ARHGEF4: variants seen among roughly 807,000 people sequenced by gnomAD.
ARHGEF4 encodes the protein Rho guanine nucleotide exchange factor 4.
In ARHGEF4, 119 loss-of-function variants were observed where a neutral mutation model predicts 162.0. The ratio of observed to expected loss-of-function variants is 0.73; its 90% confidence interval spans 0.63 to 0.86. The LOEUF (loss-of-function observed/expected upper bound fraction) is 0.86, where lower values mean the gene tolerates loss of function less well. ARHGEF4 is among the 40% of genes least tolerant of loss of function. The probability of loss-of-function intolerance (pLI) is 0.00; values close to 1 mark genes in which losing one functional copy is unlikely to be tolerated. For synonymous variants in ARHGEF4, 1,014 were observed against 979.9 expected, an observed-to-expected ratio of 1.03 and a Z score of -0.65; for missense variants, 2,488 against 2,456.0, an observed-to-expected ratio of 1.01 and a Z score of -0.28.
In ARHGEF4 at chr2:130,915,976, C is replaced by T. The variant is rs762119308; in HGVS notation, c.2030C>T (p.Ser677Phe). The T allele has an allele frequency of 1.1e-5, 17 of 1,550,568 alleles. No individual in the cohort carries two copies. Among genetic ancestry groups the T allele is most frequent in the Middle Eastern group, 3.3e-4 (2 of 5,992 alleles). The change falls in exon 2 of 14, where the codon TCT becomes TTT. Residue 677 changes from serine (S) to phenylalanine (F), a missense_variant. Coordinates refer to ENST00000409359, the MANE Select transcript of ARHGEF4 (RefSeq NM_001367493.1). ...PLSTGETPCE[S>F]PTRGKTPAGN... ...AGCACTGGCGAGACCCCCTGTGAGT[C>T]TCCCACTAGGGGGAAAACACCAGCC...
chr2:130,838,648 AGGAAGGAAGGAGGGAG>A (rs983221704), intron 1 of ARHGEF4, among the ~76,000 whole-genome samples: 1 of 151,056 alleles, frequency 6.6e-6, no homozygotes, highest in African/African-American at 2.4e-5. Context: ...AAGGAAAGGA[AGGAAGGAAGGAGGGAG>A]GGAAGGAAGG....
At chr2:130,898,743 C>G (rs1680309654) in intron 1 of ARHGEF4, among the ~76,000 whole-genome samples, 1 of 152,084 alleles carries the variant, frequency 6.6e-6, no homozygotes, top group Non-Finnish European at 1.5e-5. Flanking sequence ...GCAGACTAAG[C>G]CCACACATTT....
chr2:131,023,038 C>CA, intron 4 of ARHGEF4, among the ~76,000 whole-genome samples: 1 of 108,468 alleles, frequency 9.2e-6, no homozygotes, highest in South Asian at 3.2e-4. Flanking sequence ...CCCAGGAGTT[C>CA]AAGACCAGCC....
In ARHGEF4 at chr2:131,038,853, C is replaced by G. The variant is rs746590401; in HGVS notation, c.4126C>G (p.Leu1376Val). 16 of 1,604,270 alleles carry G rather than the reference C, an allele frequency of 1.0e-5. No individual in the cohort carries two copies. The highest frequency in any genetic ancestry group is 1.2e-5 in the Non-Finnish European group (14 of 1,174,578). ...CGCCTGCCCGTGGCTCTCTCGGCAG[C>G]TCATCAGCGATGGCAGTGTGGTCTG... ...GGGEQLAINE[L>V]ISDGSVVCAE... Residue 1376 changes from leucine to valine, a missense_variant and splice_region_variant, in exon 6 of 14, where the codon CTC becomes GTC. By Grantham distance (32) the Leu-to-Val change is conservative (BLOSUM62 1). Around this residue, in one of 6 missense-constraint regions of ARHGEF4, gnomAD observed 1,642 missense variants for 1,481.5 expected, o/e 1.11. Coordinates refer to ENST00000409359, the MANE Select transcript of ARHGEF4 (RefSeq NM_001367493.1).
Position 130,952,128 on chromosome 2 carries a change from A to C in ARHGEF4, c.3985+5493A>C, listed in dbSNP as rs187304382. ...CTTTTCTAGTACTCTTTTTGTATTC[A>C]TGTGGATTTACATTATCATCTGGGG... On this transcript the variant is annotated intron_variant, in intron 4 of 13. Transcript: ENST00000409359. Among the ~76,000 whole-genome samples the C allele has an allele frequency of 2.0e-5, 3 of 152,248 alleles. No individual in the cohort carries two copies. The East Asian group carries it at 5.8e-4, about 29-fold the overall frequency.
rs142134723 is a variant in ARHGEF4 at position 131,037,212 on chromosome 2, C to T, written c.4126-1641C>T. ...TCATGTGTCACTCTGAGGAGAGCGTCCATCAGGACTGGAGCAGGTTTTACC... is the reference window on the plus strand; with the variant it reads ...TCATGTGTCACTCTGAGGAGAGCGTTCATCAGGACTGGAGCAGGTTTTACC... On this transcript the variant is annotated intron_variant, in intron 5 of 13. Coordinates refer to ENST00000409359, the MANE Select transcript of ARHGEF4 (RefSeq NM_001367493.1). Among the ~76,000 whole-genome samples the T allele has an allele frequency of 1.3e-5, 2 of 152,280 alleles. 1 individual carries two copies. Among genetic ancestry groups the T allele is most frequent in the East Asian group, 3.9e-4 (2 of 5,170 alleles).
chr2:130,921,266 C>A (rs1056732961), intron 2 of ARHGEF4, among the ~76,000 whole-genome samples: 3 of 152,180 alleles, frequency 2.0e-5, no homozygotes, highest in Admixed American at 6.5e-5. Flanking sequence ...CTTTGGGAGG[C>A]AGGGGCGGGC....
chr2:131,039,794 A>T, intron 6 of ARHGEF4: 2 of 1,399,884 alleles, frequency 1.4e-6, no homozygotes, highest in Non-Finnish European at 1.8e-6. Flanking sequence ...CCAAATCGGT[A>T]TTCGGATCAC....
intron 4 of ARHGEF4, among the ~76,000 whole-genome samples, chr2:130,965,720 G>A (rs1684960467): frequency 6.6e-6 from 1 of 152,188 alleles, no homozygotes; most frequent in Non-Finnish European, 1.5e-5. Context: ...GTGCGCCAGT[G>A]AGACAGATGG....
intron 4 of ARHGEF4, chr2:130,963,616 C>G (rs1684771948): frequency 6.8e-6 from 1 of 147,780 alleles, no homozygotes; most frequent in Non-Finnish European, 1.5e-5. Flanking sequence ...ACCCGGAGCC[C>G]CGCGCCCGCG....
intron 4 of ARHGEF4, among the ~76,000 whole-genome samples, chr2:130,994,978 G>A (rs1363220674): frequency 6.6e-6 from 1 of 152,212 alleles, no homozygotes; most frequent in Non-Finnish European, 1.5e-5. Flanking sequence ...TGTGTCTGGT[G>A]TTTCAGCAGT....
chr2:130,923,145 G>T (rs900734398), intron 2 of ARHGEF4, among the ~76,000 whole-genome samples: 2 of 152,066 alleles, frequency 1.3e-5, no homozygotes, highest in African/African-American at 4.8e-5. Flanking sequence ...GGCTAGGGTG[G>T]TCTCGAACTC....
intron 4 of ARHGEF4, among the ~76,000 whole-genome samples, chr2:130,955,237 T>C (rs1192131696): frequency 1.3e-5 from 2 of 152,200 alleles, no homozygotes; most frequent in African/African-American, 4.8e-5. Context: ...ATGTTTATAA[T>C]TACTACCTTG....
chr2:130,870,451 C>T lies in ARHGEF4; in HGVS notation c.39+33459C>T, dbSNP rs554588910. Reference sequence around the variant, plus strand: ...AGGGTCCCTAGCTGCCAGGACACTGCCCAGGAGAGGGGGCAGGAAGGGGCC... The same window carrying T: ...AGGGTCCCTAGCTGCCAGGACACTGTCCAGGAGAGGGGGCAGGAAGGGGCC... On this transcript the variant is annotated intron_variant, in intron 1 of 13. Transcript: ENST00000409359. 2.0e-5 allele frequency among the ~76,000 whole-genome samples: 3 copies of T among 152,284 alleles called. No homozygotes were observed. In the South Asian group the frequency reaches 6.2e-4, roughly 32 times the overall value.
In ARHGEF4 at chr2:130,885,650, A is replaced by G. The variant is rs191073796; in HGVS notation, c.40-28336A>G. On this transcript the variant is annotated intron_variant, in intron 1 of 13. Coordinates refer to ENST00000409359, the MANE Select transcript of ARHGEF4 (RefSeq NM_001367493.1). The stretch of plus-strand genomic sequence containing the variant: ...AGTTGTGCAATCTCGGCTCACTGCA[A>G]CCTCTGCCTCCTGGGTTCAAGCGAT... Among the ~76,000 whole-genome samples, 196 of 143,556 alleles carry G rather than the reference A, an allele frequency of 1.4e-3. 2 individuals are homozygous for G. The highest frequency in any genetic ancestry group is 5.0e-3 in the African/African-American group (187 of 37,724). 94.2% of individuals were successfully genotyped at this position (143,556 alleles called of 152,430 possible). A position where few individuals can be genotyped will look rare whatever the true frequency, so the allele number is the denominator to read the frequency against.
chr2:130,916,722 G>A lies in ARHGEF4; in HGVS notation c.2776G>A (p.Glu926Lys). Residue 926 changes from glutamate (E) to lysine (K), a missense_variant, in exon 2 of 14, where the codon GAG becomes AAG. Glu to Lys is a moderately conservative substitution (Grantham distance 56, BLOSUM62 1). Coordinates refer to ENST00000409359, the MANE Select transcript of ARHGEF4 (RefSeq NM_001367493.1). Reference protein sequence around the residue: ...FSNFIESIVLEKENTHERSPS... With the variant: ...FSNFIESIVLKKENTHERSPS... Reference sequence around the variant, plus strand: ...AAACTTTATTGAGTCAATAGTTCTAGAGAAAGAGAACACCCATGAACGTTC... The same window carrying A: ...AAACTTTATTGAGTCAATAGTTCTAAAGAAAGAGAACACCCATGAACGTTC... 3 of 1,550,698 alleles carry A rather than the reference G, an allele frequency of 1.9e-6. No homozygotes were observed. The highest frequency in any genetic ancestry group is 1.7e-6 in the Non-Finnish European group (2 of 1,147,022).
intron 4 of ARHGEF4, among the ~76,000 whole-genome samples, chr2:130,996,595 C>A (rs1323927206): frequency 6.6e-6 from 1 of 152,160 alleles, no homozygotes; most frequent in East Asian, 1.9e-4. Flanking sequence ...CAATCAGTAT[C>A]ACAAAAAATC....
At chr2:131,033,803 C>T (rs138274895) in intron 5 of ARHGEF4, among the ~76,000 whole-genome samples, 1 of 152,314 alleles carries the variant, frequency 6.6e-6, no homozygotes, top group East Asian at 1.9e-4. Flanking sequence ...GGGAGGCACA[C>T]AGCCTCTCTG....
At chr2:130,913,900 C>T (rs1681340971) in intron 1 of ARHGEF4, 86 bp from the exon 2 acceptor site, 1 of 1,480,048 alleles carries the variant, frequency 6.8e-7, no homozygotes, top group Admixed American at 2.0e-5. Context: ...GAGCCTTCCT[C>T]CTTCTGGCAA....
Sources: allele counts gnomAD v4.1 joint callset (sites outside exome capture counted in the v4.1 genomes callset), GRCh38; gene constraint gnomAD v4.1.1; regional missense constraint gnomAD v4.1.1; transcripts MANE v1.5; gene names NCBI Gene and HGNC (gene_info 2026-07-23, HGNC 2026-07-21).